TNK2: variants seen among roughly 807,000 people sequenced by gnomAD.
TNK2 encodes the protein activated CDC42 kinase 1.
TNK2 carries 83 observed loss-of-function variants against 101.8 expected under a neutral mutation model. That is an observed-to-expected ratio of 0.82 (90% confidence interval 0.68 to 0.98). TNK2 has a LOEUF of 0.98. TNK2 is among the 50% of genes least tolerant of loss of function. TNK2 has a pLI of 0.00. For synonymous variants in TNK2, 804 were observed against 633.0 expected (o/e 1.27, Z -4.06); for missense variants, 1,665 against 1,483.2 (o/e 1.12, Z -2.01).
chr3:195,904,930 T>C (rs1026125690), intron 1 of TNK2, among the ~76,000 whole-genome samples: 1 of 152,332 alleles, frequency 6.6e-6, no homozygotes, highest in Middle Eastern at 3.4e-3. Flanking sequence ...TCTCCCCAAA[T>C]TGATCATAAT....
At chr3:195,869,634 G>GAA in intron 11 of TNK2, 93 bp from the exon 12 acceptor site, 1 of 1,264,094 alleles carries the variant, frequency 7.9e-7, no homozygotes, top group Non-Finnish European at 1.1e-6. Context: ...AGAGTGTAGA[G>GAA]AGACGAAGGG....
chr3:195,867,887 G>T lies in TNK2; in HGVS notation c.2411C>A (p.Ser804Ter). 1 of 1,528,750 alleles carries T rather than the reference G, an allele frequency of 6.5e-7. No individual in the cohort carries two copies. 94.7% of individuals were successfully genotyped at this position (1,528,750 alleles called of 1,614,324 possible). The change falls in exon 13 of 16, where the codon TCG becomes TAG. Residue 804 changes from serine to a stop codon, truncating the protein, a stop_gained. Coordinates refer to ENST00000672887, the MANE Select transcript of TNK2 (RefSeq NM_001382273.1). LOFTEE classifies it high-confidence loss of function. ...PPREPLSPQGSRTPSPLVPPG... is the reference protein window; with the variant it reads ...PPREPLSPQG ...TGGTACCAGGGGGCTGGGTGTCCTC[G>T]AGCCTTGAGGGGACAGGGGCTCCCG...
chr3:195,877,144 C>T (rs1474298566), intron 9 of TNK2, among the ~76,000 whole-genome samples: 1 of 152,170 alleles, frequency 6.6e-6, no homozygotes, highest in South Asian at 2.1e-4. Context: ...ATCCCTGGCC[C>T]CTCAGCTCCA....
chr3:195,897,497 C>T (rs1246883102), intron 1 of TNK2, among the ~76,000 whole-genome samples: 1 of 152,180 alleles, frequency 6.6e-6, no homozygotes, highest in Non-Finnish European at 1.5e-5. Context: ...CCTCTTCACC[C>T]CACATGTTTT....
At position 195,888,505 on chromosome 3, in the gene TNK2, A is replaced by G. The variant is rs3747669; in HGVS notation, c.84T>C (p.Asp28=). The G allele has an allele frequency of 0.3, 487,814 of 1,612,956 alleles. 79,118 individuals are homozygous for G. The highest frequency in any genetic ancestry group is 0.61 in the African/African-American group (45,314 of 74,846). The change falls in exon 2 of 16, where the codon GAT becomes GAC. Residue 28 remains aspartate, a synonymous_variant. Coordinates refer to ENST00000672887, the MANE Select transcript of TNK2 (RefSeq NM_001382273.1). The surrounding 1 kb of genome is among the most constrained non-coding windows in gnomAD (Gnocchi z 5.3). ...QLQQYFLRLR[D]DLNVTRLSHF... ...GGGACAGGCGGGTGACGTTGAGGTC[A>G]TCTCGGAGCCGCAGGAAGTACTGTT... is the stretch of plus-strand genomic sequence containing the variant.
intron 12 of TNK2, 152 bp downstream of exon 12, chr3:195,869,345 G>A: frequency 2.5e-6 from 2 of 809,408 alleles, no homozygotes; most frequent in Non-Finnish European, 4.0e-6. Context: ...GGGGGGGCAG[G>A]CATGCTAGGC....
intron 1 of TNK2, chr3:195,892,485 G>A (rs866439367): frequency 6.5e-7 from 1 of 1,535,512 alleles, no homozygotes; most frequent in Middle Eastern, 1.7e-4. Context: ...CGTGCTGCCG[G>A]CATCTCCACG....
chr3:195,886,721 G>A lies in TNK2; in HGVS notation c.234+256C>T, dbSNP rs1194494897. Among the ~76,000 whole-genome samples the A allele has an allele frequency of 6.6e-6, 1 of 152,208 alleles. No homozygotes were observed. Among genetic ancestry groups the A allele is most frequent in the African/African-American group, 2.4e-5 (1 of 41,458 alleles). On this transcript the variant is annotated intron_variant, in intron 3 of 15. Transcript: ENST00000672887. The surrounding 1 kb of genome is among the most constrained non-coding windows in gnomAD (Gnocchi z 4.2). ...GTCAATGAGGTCCTGTTCCAGGCGT[G>A]CCGAGAGGGGCTGTGAAGGCCTCAC...
Position 195,888,608 on chromosome 3 carries a change from T to C in TNK2, c.-18-2A>G. ...CTGCATTCTGCCGCCTCCCAGCCTC[T>C]GTGGGGGGAGGAGTGGCTCAGGGAC... On this transcript the variant is annotated splice_acceptor_variant, in intron 1 of 15. Transcript: ENST00000672887. LOFTEE classifies it low-confidence loss of function (5UTR_SPLICE). This position sits in a 1 kb window ranked among gnomAD's most constrained non-coding sequence, Gnocchi z 5.3. The C allele has an allele frequency of 6.2e-7, 1 of 1,606,236 alleles. No individual in the cohort carries two copies. The highest frequency in any genetic ancestry group is 2.2e-5 in the East Asian group (1 of 44,790).
At chr3:195,887,432 C>T (rs1310242632) in intron 2 of TNK2, among the ~76,000 whole-genome samples, 1 of 152,216 alleles carries the variant, frequency 6.6e-6, no homozygotes, top group Non-Finnish European at 1.5e-5. Context: ...TCTAACTTAG[C>T]ACATTACTAC....
chr3:195,899,782 C>T (rs936931775), intron 1 of TNK2, among the ~76,000 whole-genome samples: 1 of 152,230 alleles, frequency 6.6e-6, no homozygotes, highest in Non-Finnish European at 1.5e-5. Flanking sequence ...CATCTGTCCA[C>T]ATCTGTCGCC....
chr3:195,900,931 G>A (rs1761142422), intron 1 of TNK2, among the ~76,000 whole-genome samples: 1 of 152,240 alleles, frequency 6.6e-6, no homozygotes, highest in Non-Finnish European at 1.5e-5. Context: ...CAGAGCTGAA[G>A]GGGCCTATTG....
At position 195,876,787 on chromosome 3, in the gene TNK2, G is replaced by C. The variant is rs906121814; in HGVS notation, c.1256+1466C>G. The C allele has an allele frequency of 6.3e-5, 23 of 367,778 alleles. 1 individual carries two copies. The East Asian group carries it at 9.6e-4, about 15-fold the overall frequency. 22.8% of individuals were successfully genotyped at this position (367,778 alleles called of 1,614,324 possible). ...CGGGGCACACCCACAACCCTCCCAG[G>C]AGCAGCCGCTCCCGGCCCCTCCCAC... On this transcript the variant is annotated intron_variant, in intron 9 of 15. Coordinates refer to ENST00000672887, the MANE Select transcript of TNK2 (RefSeq NM_001382273.1).
At position 195,888,063 on chromosome 3, in the gene TNK2, G is replaced by A. The variant is rs1171023825; in HGVS notation, c.163+363C>T. On this transcript the variant is annotated intron_variant, in intron 2 of 15. Coordinates refer to ENST00000672887, the MANE Select transcript of TNK2 (RefSeq NM_001382273.1). The surrounding 1 kb of genome is among the most constrained non-coding windows in gnomAD (Gnocchi z 5.3). ...ATCAGCAAACCATCTGAGAGTTAGC[G>A]TTCTCCCTACAGATCTCTGCACATG... 6.6e-6 allele frequency among the ~76,000 whole-genome samples: 1 copy of A among 152,104 alleles called. No individual in the cohort carries two copies. Among genetic ancestry groups the A allele is most frequent in the Non-Finnish European group, 1.5e-5 (1 of 68,018 alleles).
At chr3:195,897,812 C>T (rs1760785055) in intron 1 of TNK2, among the ~76,000 whole-genome samples, 1 of 29,132 alleles carries the variant, frequency 3.4e-5, no homozygotes, top group Non-Finnish European at 6.0e-5. Flanking sequence ...ACCCCCTCAC[C>T]CCCCCACCCC....
At chr3:195,902,823 C>T (rs1053123064) in intron 1 of TNK2, among the ~76,000 whole-genome samples, 2 of 150,346 alleles carry the variant, frequency 1.3e-5, no homozygotes, top group South Asian at 2.1e-4. Flanking sequence ...AATCTCGGCT[C>T]GCTGCAACCT....
At chr3:195,907,475 A>T (rs1361859615) in intron 1 of TNK2, among the ~76,000 whole-genome samples, 2 of 152,194 alleles carry the variant, frequency 1.3e-5, no homozygotes, top group Non-Finnish European at 2.9e-5. Context: ...CCTCTAGCTA[A>T]GGCCCTGGGC....
chr3:195,868,176 C>T lies in TNK2; in HGVS notation c.2122G>A (p.Gly708Ser), dbSNP rs762445193. ...GCGGAGCTGGGCGGCTTGCCCCCAC[C>T]CTGGGGCGGGAGGAACAGGTTGTCC... ...LEDNLFLPPQ[G>S]GGKPPSSAQT... Residue 708 changes from glycine to serine, a missense_variant, in exon 13 of 16, where the codon GGT (glycine) becomes AGT (serine). By Grantham distance (56) the Gly-to-Ser change is moderately conservative. Transcript: ENST00000672887. 1.9e-6 allele frequency: 3 copies of T among 1,610,192 alleles called. No individual in the cohort carries two copies. Among genetic ancestry groups the T allele is most frequent in the Non-Finnish European group, 1.7e-6 (2 of 1,178,950 alleles).
intron 6 of TNK2, among the ~76,000 whole-genome samples, chr3:195,881,468 A>G (rs573968949): frequency 3.0e-5 from 3 of 98,700 alleles, no homozygotes; most frequent in South Asian, 3.8e-4. Context: ...AGGACACAGG[A>G]TCTGTCCCTC....
Sources: allele counts gnomAD v4.1 joint callset (sites outside exome capture counted in the v4.1 genomes callset), GRCh38; gene constraint gnomAD v4.1.1; non-coding constraint Gnocchi (gnomAD v3.1); transcripts MANE v1.5; gene names NCBI Gene and HGNC (gene_info 2026-07-23, HGNC 2026-07-21).